TNFRSF8: variants seen among roughly 807,000 people sequenced by gnomAD.
TNFRSF8 encodes the protein tumor necrosis factor receptor superfamily member 8.
Under a neutral mutation model 70.8 loss-of-function variants are expected in TNFRSF8, and 26 were observed. The ratio of observed to expected loss-of-function variants is 0.37; its 90% CI spans 0.27 to 0.51. TNFRSF8 has a LOEUF of 0.51. TNFRSF8 is among the 20% of genes least tolerant of loss of function. The probability of loss-of-function intolerance (pLI) is 0.94; values close to 1 mark genes in which losing one functional copy is unlikely to be tolerated. For synonymous variants in TNFRSF8, 356 were observed against 339.2 expected, an observed-to-expected ratio of 1.05 and a Z score of -0.54; for missense variants, 720 against 807.9, an observed-to-expected ratio of 0.89 and a Z score of 1.32.
chr1:12,137,320 T>TAAC lies in TNFRSF8; in HGVS notation c.1336-907_1336-906insCAA, dbSNP rs113179229. ...AAACCATTTAAAAAGTAAAAAATAA[T>TAAC]AATAATAATAATGGCAAAGACGTGA... On this transcript the variant is annotated intron_variant, in intron 13 of 14. Transcript: ENST00000263932. 5.1e-3 allele frequency among the ~76,000 whole-genome samples: 526 copies of TAAC among 102,702 alleles called. 5 individuals carry two copies. Among genetic ancestry groups the TAAC allele is most frequent in the African/African-American group, 0.017 (487 of 28,294 alleles). The allele number at this position is 102,702 out of a possible 152,430, so 67.4% of individuals were successfully genotyped here.
At position 12,119,555 on chromosome 1, in the gene TNFRSF8, CT is replaced by C. The variant is rs57055779; in HGVS notation, c.947-3716del. On this transcript the variant is annotated intron_variant, in intron 8 of 14. Transcript: ENST00000263932. This position sits in a 1 kb window ranked among gnomAD's most constrained non-coding sequence, Gnocchi z 4.4. ...ATGAATGAAAACAGCTGTGAATATT[CT>C]TTTTTTTTTTTTAACATGTATGAAT... Among the ~76,000 whole-genome samples the C allele has an allele frequency of 0.017, 2,443 of 145,770 alleles. 56 individuals carry two copies. Among genetic ancestry groups the C allele is most frequent in the African/African-American group, 0.056 (2,223 of 39,958 alleles).
At chr1:12,106,905 G>C (rs1641534744) in intron 4 of TNFRSF8, among the ~76,000 whole-genome samples, 1 of 152,236 alleles carries the variant, frequency 6.6e-6, no homozygotes, top group African/African-American at 2.4e-5. Flanking sequence ...AAAGTTTCCA[G>C]CTCAGAAACT....
chr1:12,127,522 G>A (rs1641964422), intron 12 of TNFRSF8, among the ~76,000 whole-genome samples: 1 of 152,218 alleles, frequency 6.6e-6, no homozygotes, highest in African/African-American at 2.4e-5. Context: ...TCAGCCTAAG[G>A]CCAGGCCCTG....
chr1:12,082,570 C>T (rs1421644018), intron 1 of TNFRSF8, among the ~76,000 whole-genome samples: 2 of 143,034 alleles, frequency 1.4e-5, no homozygotes, highest in African/African-American at 5.3e-5. Context: ...AAAACAAAAA[C>T]AAAACAAAAA....
intron 3 of TNFRSF8, among the ~76,000 whole-genome samples, chr1:12,098,122 A>G (rs1258536126): frequency 6.6e-6 from 1 of 152,194 alleles, no homozygotes; most frequent in East Asian, 1.9e-4. Flanking sequence ...CTTTTTATCC[A>G]CATGAATATA....
chr1:12,082,189 T>C (rs1641075872), intron 1 of TNFRSF8, among the ~76,000 whole-genome samples: 1 of 152,226 alleles, frequency 6.6e-6, no homozygotes, highest in African/African-American at 2.4e-5. Context: ...TCTTGAATCC[T>C]TTCTTATGAT....
chr1:12,110,620 C>T lies in TNFRSF8; in HGVS notation c.676+416C>T, dbSNP rs1264044681. ...ATTTTTCTTTTTCTTTTTTTTGAGA[C>T]GGAGTTTCGCTCATGTTGCCCAGGC... On this transcript the variant is annotated intron_variant, in intron 6 of 14. Transcript: ENST00000263932. This position sits in a 1 kb window ranked among gnomAD's most constrained non-coding sequence, Gnocchi z 4.0. Among the ~76,000 whole-genome samples the T allele has an allele frequency of 7.9e-5, 12 of 152,044 alleles. No individual in the cohort carries two copies. Among genetic ancestry groups the T allele is most frequent in the African/African-American group, 2.7e-4 (11 of 41,410 alleles).
intron 4 of TNFRSF8, among the ~76,000 whole-genome samples, chr1:12,106,687 G>A (rs1304264147): frequency 2.0e-5 from 3 of 152,144 alleles, no homozygotes; most frequent in African/African-American, 7.2e-5. Context: ...TCGGGGGAGA[G>A]CGCTCTGCTA....
At chr1:12,092,788 G>T (rs1641267888) in intron 2 of TNFRSF8, among the ~76,000 whole-genome samples, 2 of 151,472 alleles carry the variant, frequency 1.3e-5, no homozygotes, top group Non-Finnish European at 2.9e-5. Context: ...GATTATAGGT[G>T]TGAGCCACCG....
chr1:12,124,838 CAAAA>C, intron 10 of TNFRSF8, among the ~76,000 whole-genome samples: 1 of 67,550 alleles, frequency 1.5e-5, no homozygotes, highest in Non-Finnish European at 3.5e-5. Context: ...TCAAACAAAA[CAAAA>C]CAAAACAAAA....
intron 11 of TNFRSF8, 51 bp downstream of exon 11, chr1:12,126,103 A>G (rs773610713): frequency 1.9e-6 from 3 of 1,612,902 alleles, no homozygotes; most frequent in Non-Finnish European, 2.5e-6. Context: ...GCTCTCTGCC[A>G]GCCTGGCCTG....
chr1:12,084,359 C>A, intron 1 of TNFRSF8, 105 bp from the exon 2 acceptor site: 1 of 997,790 alleles, frequency 1.0e-6, no homozygotes, highest in Non-Finnish European at 1.6e-6. Flanking sequence ...TGATTTCTCT[C>A]CTATATTACA....
At position 12,143,404 on chromosome 1, in the gene TNFRSF8, C is replaced by G. The variant is rs1263877389; in HGVS notation, c.*873C>G. The G allele has an allele frequency of 6.6e-6, 1 of 151,830 alleles. No homozygotes were observed. Among genetic ancestry groups the G allele is most frequent in the African/African-American group, 2.4e-5 (1 of 41,288 alleles). 9.4% of individuals were successfully genotyped at this position (151,830 alleles called of 1,614,324 possible). ...CTCCCCATGTGAACATGGGGAACTTCGGGCCCTGCCTGGAGTCCTTGACCG... is the reference window on the plus strand; with the variant it reads ...CTCCCCATGTGAACATGGGGAACTTGGGGCCCTGCCTGGAGTCCTTGACCG... On this transcript the variant is annotated 3_prime_UTR_variant, in exon 15 of 15. Coordinates refer to ENST00000263932, the MANE Select transcript of TNFRSF8 (RefSeq NM_001243.5). This position sits in a 1 kb window ranked among gnomAD's most constrained non-coding sequence, Gnocchi z 4.1.
intron 10 of TNFRSF8, among the ~76,000 whole-genome samples, chr1:12,124,254 C>T (rs959576176): frequency 6.6e-6 from 1 of 152,242 alleles, no homozygotes; most frequent in African/African-American, 2.4e-5. Flanking sequence ...GGTGATCCAC[C>T]TGCTTCAGCC....
At chr1:12,082,549 C>CA (rs34818321) in intron 1 of TNFRSF8, among the ~76,000 whole-genome samples, 68,494 of 120,892 alleles carry the variant, frequency 0.57, 17,820 homozygotes, top group Admixed American at 0.68. Flanking sequence ...GACCCTGTCT[C>CA]AAAAAAAAAA....
At chr1:12,130,340 G>C (rs1642024723) in intron 12 of TNFRSF8, among the ~76,000 whole-genome samples, 1 of 152,218 alleles carries the variant, frequency 6.6e-6, no homozygotes, top group Non-Finnish European at 1.5e-5. Context: ...GATGAGGTCA[G>C]GGAGAGCCCC....
At chr1:12,082,614 C>T (rs766051162) in intron 1 of TNFRSF8, among the ~76,000 whole-genome samples, 57 of 150,906 alleles carry the variant, frequency 3.8e-4, no homozygotes, top group African/African-American at 9.0e-4. Flanking sequence ...ACAAAAACCA[C>T]GCCTTCCTGA....
chr1:12,121,433 G>T (rs1195952396), intron 8 of TNFRSF8, among the ~76,000 whole-genome samples: 2 of 152,162 alleles, frequency 1.3e-5, no homozygotes, highest in Non-Finnish European at 2.9e-5. Flanking sequence ...GGCTCTGGGG[G>T]TGGAGAGGTG....
chr1:12,122,664 T>TAAATAAATA (rs1440789001), intron 8 of TNFRSF8, among the ~76,000 whole-genome samples: 1 of 151,754 alleles, frequency 6.6e-6, no homozygotes, highest in Non-Finnish European at 1.5e-5. Flanking sequence ...TAAACATAAA[T>TAAATAAATA]AAATAAATAA....
Sources: gnomAD v4.1 joint callset for allele counts (sites outside exome capture counted in the v4.1 genomes callset) on GRCh38, gnomAD v4.1.1 for gene constraint, Gnocchi (gnomAD v3.1) non-coding constraint, MANE v1.5 for transcripts, NCBI Gene and HGNC (gene_info 2026-07-23, HGNC 2026-07-21) for gene names.